SLC16A5: variants seen among roughly 807,000 people sequenced by gnomAD.
SLC16A5 encodes the protein monocarboxylate transporter 6.
Under a neutral mutation model 33.2 loss-of-function variants are expected in SLC16A5, and 29 were observed. That is an observed-to-expected ratio of 0.87 (90% CI 0.65 to 1.19). The LOEUF (loss-of-function observed/expected upper bound fraction) is 1.19, where lower values mean the gene tolerates loss of function less well. Among genes scored for constraint, SLC16A5 ranks in the 50% most tolerant of loss-of-function variants. The pLI, the probability that SLC16A5 is intolerant of heterozygous loss-of-function variation, is 0.00. For missense variants in SLC16A5, 606 were observed against 678.2 expected, an observed-to-expected ratio of 0.89 and a Z score of 1.18; for synonymous variants, 248 against 284.1, an observed-to-expected ratio of 0.87 and a Z score of 1.28.
chr17:75,096,533 T>C (rs2073720433), intron 3 of SLC16A5, among the ~76,000 whole-genome samples: 1 of 120,046 alleles, frequency 8.3e-6, no homozygotes, highest in Non-Finnish European at 1.7e-5. Context: ...TGCTTTTTTC[T>C]TTTTTTTTTT....
intron 4 of SLC16A5, among the ~76,000 whole-genome samples, chr17:75,099,586 C>T (rs1331436102): frequency 4.6e-5 from 7 of 152,126 alleles, no homozygotes; most frequent in Non-Finnish European, 1.0e-4. Context: ...TTACAGACTA[C>T]AGGCGCCTGC....
At chr17:75,089,996 TTTTC>T (rs1171732672) in intron 2 of SLC16A5, 2 of 151,818 alleles carry the variant, frequency 1.3e-5, no homozygotes, top group Non-Finnish European at 2.9e-5. Context: ...TTTTTTCTTT[TTTTC>T]TTTTTCTTTT....
intron 4 of SLC16A5, among the ~76,000 whole-genome samples, chr17:75,098,999 C>T (rs533644091): frequency 3.9e-5 from 6 of 152,282 alleles, no homozygotes; most frequent in African/African-American, 1.4e-4. Flanking sequence ...AGTGGCGTCA[C>T]AGGCAGCCTG....
intron 3 of SLC16A5, among the ~76,000 whole-genome samples, chr17:75,096,099 C>T (rs9912245): frequency 0.68 from 103,655 of 151,608 alleles, 36,325 homozygotes; most frequent in Non-Finnish European, 0.73. Flanking sequence ...GCCACGGCAC[C>T]TGACCACAGT....
intron 2 of SLC16A5, among the ~76,000 whole-genome samples, chr17:75,091,020 G>C (rs1275357979): frequency 6.6e-6 from 1 of 152,222 alleles, no homozygotes; most frequent in African/African-American, 2.4e-5. Context: ...GAAGGGACCA[G>C]AGCCAGGCAG....
chr17:75,106,109 T>A lies in SLC16A5; in HGVS notation c.*76T>A. ...TGACCACCTCTGAGCCTTGAAAAAG[T>A]AGGAGGTTACTTTGTTAGAGCAAAA... is the stretch of plus-strand genomic sequence containing the variant. On this transcript the variant is annotated 3_prime_UTR_variant, in exon 7 of 7. Coordinates refer to ENST00000329783, the MANE Select transcript of SLC16A5 (RefSeq NM_004695.4). The A allele has an allele frequency of 4.6e-6, 3 of 646,364 alleles. No individual in the cohort carries two copies. Among genetic ancestry groups the A allele is most frequent in the Non-Finnish European group, 7.5e-6 (3 of 399,026 alleles). 40.0% of individuals were successfully genotyped at this position (646,364 alleles called of 1,614,324 possible). A position where few individuals can be genotyped will look rare whatever the true frequency, so the allele number is the denominator to read the frequency against.
At chr17:75,093,959 G>T in intron 3 of SLC16A5, 124 bp downstream of exon 3, 7 of 1,391,258 alleles carry the variant, frequency 5.0e-6, no homozygotes, top group Non-Finnish European at 6.7e-6. Flanking sequence ...GAATTCCTAA[G>T]GTTTCACCAG....
chr17:75,093,058 C>T (rs887008294), intron 2 of SLC16A5, among the ~76,000 whole-genome samples: 3 of 151,978 alleles, frequency 2.0e-5, no homozygotes, highest in Admixed American at 6.6e-5. Context: ...CTCCTAGCAC[C>T]GGCCTGCTCA....
downstream of SLC16A5, chr17:75,109,897 C>A (rs1255337226): frequency 4.3e-5 from 9 of 207,418 alleles, no homozygotes; most frequent in Non-Finnish European, 8.8e-5. The surrounding 1 kb of genome is among the most constrained non-coding windows in gnomAD (Gnocchi z 5.0). Context: ...GCGCCGCGCA[C>A]GCGCGCCAAG....
chr17:75,089,813 G>A (rs961395243), intron 2 of SLC16A5: 1 of 151,504 alleles, frequency 6.6e-6, no homozygotes, highest in Non-Finnish European at 1.5e-5. Context: ...CCCAGCCTGG[G>A]GTGGGAGTCA....
At chr17:75,094,713 A>G (rs1250096562) in intron 3 of SLC16A5, among the ~76,000 whole-genome samples, 1 of 150,112 alleles carries the variant, frequency 6.7e-6, no homozygotes, top group Non-Finnish European at 1.5e-5. Flanking sequence ...CAGGAACAAG[A>G]GGGGGACAAG....
downstream of SLC16A5, among the ~76,000 whole-genome samples, chr17:75,107,013 A>G (rs1324142324): frequency 6.6e-6 from 1 of 151,800 alleles, no homozygotes; most frequent in African/African-American, 2.4e-5. Flanking sequence ...AAAATTAAGG[A>G]AAGGGAAAAA....
downstream of SLC16A5, among the ~76,000 whole-genome samples, chr17:75,108,490 T>C (rs961432792): frequency 2.0e-5 from 3 of 152,128 alleles, no homozygotes; most frequent in Non-Finnish European, 2.9e-5. Flanking sequence ...CTGCTTCCAA[T>C]GGGGCTGCAG....
Position 75,100,252 on chromosome 17 carries a change from G to A in SLC16A5, c.589G>A (p.Ala197Thr). 6.2e-7 allele frequency: 1 copy of A among 1,614,210 alleles called. No homozygotes were observed. The highest frequency in any genetic ancestry group is 8.5e-7 in the Non-Finnish European group (1 of 1,180,030). Reference sequence around the variant, plus strand: ...CATAAGGCCTGTGGCCACCAGTGTGGCCCCTGAGACCAAAGAATGTCCCCC... The same window carrying A: ...CATAAGGCCTGTGGCCACCAGTGTGACCCCTGAGACCAAAGAATGTCCCCC... ...AIIRPVATSV[A>T]PETKECPPPP... is the part of the protein sequence containing the mutation. The change falls in exon 5 of 7, where the codon GCC (alanine) becomes ACC (threonine). Residue 197 changes from alanine to threonine, a missense_variant. Transcript: ENST00000329783.
intron 5 of SLC16A5, among the ~76,000 whole-genome samples, chr17:75,103,646 C>T (rs1468154931): frequency 6.6e-6 from 1 of 152,106 alleles, no homozygotes; most frequent in African/African-American, 2.4e-5. Flanking sequence ...ATTCTTTAAG[C>T]AAACAAGTGG....
intron 5 of SLC16A5, among the ~76,000 whole-genome samples, chr17:75,102,681 G>C (rs2073814895): frequency 6.6e-6 from 1 of 152,148 alleles, no homozygotes; most frequent in African/African-American, 2.4e-5. Flanking sequence ...CAGCCCAATG[G>C]GGACTCCGTC....
Position 75,087,954 on chromosome 17 carries a change from A to C in SLC16A5, c.-293A>C, listed in dbSNP as rs1055361147. ...CCTGCCTGGCCGCGGCGCTTGGCCC[A>C]GTCCCGCGGTCCTCGTCGCGACCGG... On this transcript the variant is annotated 5_prime_UTR_variant, in exon 1 of 7. Transcript: ENST00000329783. 6.6e-6 allele frequency: 1 copy of C among 152,026 alleles called. No individual in the cohort carries two copies. Among genetic ancestry groups the C allele is most frequent in the African/African-American group, 2.4e-5 (1 of 41,408 alleles). 9.4% of individuals were successfully genotyped at this position (152,026 alleles called of 1,614,324 possible).
chr17:75,095,787 G>A (rs911702746), intron 3 of SLC16A5, among the ~76,000 whole-genome samples: 3 of 151,922 alleles, frequency 2.0e-5, no homozygotes, highest in African/African-American at 7.3e-5. Flanking sequence ...AGCCTCCTGA[G>A]TAGCTGGGAC....
At chr17:75,109,499 C>A (rs1207210937), downstream of SLC16A5, among the ~76,000 whole-genome samples, 1 of 152,188 alleles carries the variant, frequency 6.6e-6, no homozygotes, top group African/African-American at 2.4e-5. This position sits in a 1 kb window ranked among gnomAD's most constrained non-coding sequence, Gnocchi z 5.0. Context: ...GCTTCTGCCT[C>A]GACGTCCTCC....
Sources: allele counts gnomAD v4.1 joint callset (sites outside exome capture counted in the v4.1 genomes callset), GRCh38; gene constraint gnomAD v4.1.1; non-coding constraint Gnocchi (gnomAD v3.1); transcripts MANE v1.5; gene names NCBI Gene and HGNC (gene_info 2026-07-23, HGNC 2026-07-21).